The following CASK variants were observed in gnomAD, a reference collection of about 807,000 sequenced individuals.
CASK encodes peripheral plasma membrane protein CASK.
CASK carries 4 observed loss-of-function variants against 82.9 expected under a neutral mutation model. The observed-to-expected ratio is 0.05, with a 90% CI of 0.02 to 0.11. The LOEUF (loss-of-function observed/expected upper bound fraction) is 0.11. CASK is among the 10% of genes least tolerant of loss of function. The pLI is 1.00. For missense variants in CASK, 358 were observed against 720.9 expected, an observed-to-expected ratio of 0.50 and a Z score of 5.76; for synonymous variants, 259 against 253.5, an observed-to-expected ratio of 1.02 and a Z score of -0.20.
intron 3 of CASK, among the ~76,000 whole-genome samples, chrX:41,772,345 C>CAAAAA (rs761427437): frequency 3.8e-5 from 1 of 26,354 alleles, no homozygotes; most frequent in Non-Finnish European, 5.8e-5. Flanking sequence ...GACTCTGTCT[C>CAAAAA]AAAAAAAAAA....
At chrX:41,552,093 A>T (rs1232487572) in intron 21 of CASK, among the ~76,000 whole-genome samples, 4 of 91,989 alleles carry the variant, frequency 4.3e-5, no homozygotes, top group Admixed American at 1.2e-4. Flanking sequence ...CACCTGGCTA[A>T]TTTTTTTTTT....
At chrX:41,606,858 G>A (rs1163474282) in intron 12 of CASK, among the ~76,000 whole-genome samples, 2 of 110,001 alleles carry the variant, frequency 1.8e-5, no homozygotes, top group Non-Finnish European at 3.8e-5. Context: ...ATGCCCAGCT[G>A]CTTTTTAAAT....
intron 12 of CASK, among the ~76,000 whole-genome samples, chrX:41,590,510 C>CAA (rs763695085): frequency 0.046 from 1,407 of 30,781 alleles, 45 homozygotes; most frequent in Middle Eastern, 0.18. Flanking sequence ...ATTCCGTCTC[C>CAA]AAAAAAAAAA....
At chrX:41,700,962 T>TTAA (rs1241780289) in intron 5 of CASK, among the ~76,000 whole-genome samples, 2 of 100,448 alleles carry the variant, frequency 2.0e-5, no homozygotes, top group East Asian at 6.3e-4. Context: ...AAAAGGTTCC[T>TTAA]GTTAGTCAAG....
intron 5 of CASK, among the ~76,000 whole-genome samples, chrX:41,732,725 A>C (rs1263026752): frequency 1.8e-5 from 2 of 109,790 alleles, no homozygotes; most frequent in Non-Finnish European, 3.8e-5. Context: ...ACTTCTAATA[A>C]GCAAAAGAAT....
At chrX:41,595,479 C>G (rs1437937533) in intron 12 of CASK, among the ~76,000 whole-genome samples, 1 of 111,421 alleles carries the variant, frequency 9.0e-6, no homozygotes, top group Non-Finnish European at 1.9e-5. Flanking sequence ...GTGGTGATTG[C>G]CTGTAGTCCC....
rs767157738 is a variant in CASK at position 41,727,678 on chromosome X, C to T, written c.429+11706G>A. On this transcript the variant is annotated intron_variant, in intron 5 of 26. Transcript: ENST00000378163. ...TATTGGATTTTCCTTTTTAGTAGTA[C>T]TAACATCATACTACTCTTTTGTAAG... The T allele has an allele frequency of 5.9e-6, 7 of 1,194,529 alleles. No homozygotes were observed. The Admixed American group carries it at 1.5e-4, about 26-fold the overall frequency.
chrX:41,843,828 G>T (rs2071095684), intron 2 of CASK, among the ~76,000 whole-genome samples: 1 of 110,947 alleles, frequency 9.0e-6, no homozygotes, highest in African/African-American at 3.3e-5. Context: ...ATATATTCAA[G>T]ATTCATTCAT....
At chrX:41,793,747 A>G (rs1312442549) in intron 2 of CASK, among the ~76,000 whole-genome samples, 1 of 112,297 alleles carries the variant, frequency 8.9e-6, no homozygotes, top group Non-Finnish European at 1.9e-5. Flanking sequence ...AATGAAAGTC[A>G]TTATTGACTC....
At chrX:41,787,391 T>C in intron 2 of CASK, 108 bp from the exon 3 acceptor site, 1 of 541,582 alleles carries the variant, frequency 1.8e-6, no homozygotes, top group Admixed American at 2.4e-5. Context: ...CTTCTCTAAC[T>C]AGAGAGATGA....
chrX:41,723,732 T>A (rs1421262842), intron 5 of CASK, among the ~76,000 whole-genome samples: 1 of 112,115 alleles, frequency 8.9e-6, no homozygotes, highest in African/African-American at 3.2e-5. Flanking sequence ...GATCATGAAG[T>A]TCTATTTTAG....
At chrX:41,582,379 G>A (rs1265610865) in intron 14 of CASK, among the ~76,000 whole-genome samples, 2 of 111,337 alleles carry the variant, frequency 1.8e-5, no homozygotes, top group Non-Finnish European at 3.8e-5. Flanking sequence ...GCAGTGGTGC[G>A]ATCCCAACTC....
chrX:41,556,982 G>T, intron 19 of CASK, 50 bp downstream of exon 19: 1 of 984,476 alleles, frequency 1.0e-6, no homozygotes, highest in South Asian at 1.9e-5. Flanking sequence ...CATGGCAGGT[G>T]AGCACCAACA....
intron 21 of CASK, among the ~76,000 whole-genome samples, chrX:41,544,577 A>C (rs971552099): frequency 8.3e-5 from 9 of 107,942 alleles, no homozygotes; most frequent in East Asian, 2.8e-4. Flanking sequence ...AAAAAAAAAA[A>C]AAAAAAAAAC....
intron 3 of CASK, among the ~76,000 whole-genome samples, chrX:41,756,428 G>A (rs2068897277): frequency 8.9e-6 from 1 of 112,070 alleles, no homozygotes; most frequent in East Asian, 2.8e-4. Context: ...TCCATCAATA[G>A]TAGAATAGAT....
At chrX:41,894,942 T>C (rs534065799) in intron 1 of CASK, among the ~76,000 whole-genome samples, 3 of 112,372 alleles carry the variant, frequency 2.7e-5, no homozygotes, top group African/African-American at 9.7e-5. Flanking sequence ...GGTTTTCATT[T>C]AGATTTTTGT....
chrX:41,817,838 A>G (rs1228540289), intron 2 of CASK, among the ~76,000 whole-genome samples: 1 of 111,675 alleles, frequency 9.0e-6, no homozygotes, highest in Non-Finnish European at 1.9e-5. Flanking sequence ...CGTTGAAAAA[A>G]CATTTATACT....
intron 21 of CASK, among the ~76,000 whole-genome samples, chrX:41,544,564 T>TAAAAAAAAAAAAA (rs752196101): frequency 6.2e-5 from 3 of 48,406 alleles, no homozygotes; most frequent in Admixed American, 2.6e-4. Context: ...AGACCTTGTC[T>TAAAAAAAAAAAAA]AAAAAAAAAA....
chrX:41,610,517 A>C (rs1010332151), intron 11 of CASK, among the ~76,000 whole-genome samples: 12 of 111,632 alleles, frequency 1.1e-4, no homozygotes, highest in African/African-American at 3.9e-4. Flanking sequence ...CTTAGTTTTT[A>C]AGACTTGAAC....
Sources: gnomAD v4.1 joint callset for allele counts (sites outside exome capture counted in the v4.1 genomes callset) on GRCh38, gnomAD v4.1.1 for gene constraint, MANE v1.5 for transcripts, NCBI Gene and HGNC (gene_info 2026-07-23, HGNC 2026-07-21) for gene names.